Variants in VOPP1 observed in about 807,000 individuals in gnomAD.
VOPP1 encodes WW domain binding protein VOPP1.
Under a neutral mutation model 23.5 loss-of-function variants are expected in VOPP1, and 8 were observed. The observed-to-expected ratio is 0.34, with a 90% CI of 0.20 to 0.61. The LOEUF (loss-of-function observed/expected upper bound fraction) is 0.61, where lower values mean the gene tolerates loss of function less well. Ranked by LOEUF, VOPP1 falls within the 20% of genes least tolerant of loss-of-function variation. The pLI is 0.78. For missense variants in VOPP1, 174 were observed against 238.1 expected, an observed-to-expected ratio of 0.73 and a Z score of 1.77; for synonymous variants, 83 against 97.3, an observed-to-expected ratio of 0.85 and a Z score of 0.86.
rs1795707899 is a variant in VOPP1, at chr7:55,519,657, GTGGGGTC to G, written c.113+1408_113+1414del. On this transcript the variant is annotated intron_variant, in intron 2 of 4. Coordinates refer to ENST00000285279, the MANE Select transcript of VOPP1 (RefSeq NM_030796.5). ...CTTATGCTGCTGTTTTATTTTCCAAGTGGGGTCTGTCTTTCTGCAGCTGCAGAGGCTT... is the reference window on the plus strand; with the variant it reads ...CTTATGCTGCTGTTTTATTTTCCAAGTGTCTTTCTGCAGCTGCAGAGGCTT... Among the ~76,000 whole-genome samples, 7 of 152,200 alleles carry G rather than the reference GTGGGGTC, an allele frequency of 4.6e-5. No individual in the cohort carries two copies. The South Asian group carries it at 1.4e-3, about 32-fold the overall frequency.
intron 4 of VOPP1, among the ~76,000 whole-genome samples, chr7:55,445,216 GACACACACACACAGAC>G (rs1562878546): frequency 2.0e-5 from 2 of 102,486 alleles, no homozygotes; most frequent in East Asian, 2.2e-4. Flanking sequence ...CACACACACA[GACACACACACACAGAC>G]ACACACACAC....
chr7:55,503,595 G>A (rs1456286104), intron 2 of VOPP1, among the ~76,000 whole-genome samples: 1 of 152,246 alleles, frequency 6.6e-6, no homozygotes, highest in Non-Finnish European at 1.5e-5. Flanking sequence ...CTAGACCGGT[G>A]TGTTGAAAGG....
At chr7:55,522,884 C>T (rs1048978563) in intron 1 of VOPP1, among the ~76,000 whole-genome samples, 1 of 152,250 alleles carries the variant, frequency 6.6e-6, no homozygotes, top group Non-Finnish European at 1.5e-5. Context: ...CCACTTGATA[C>T]TCTGGCAGCA....
chr7:55,507,133 A>G (rs183402559), intron 2 of VOPP1, among the ~76,000 whole-genome samples: 1,665 of 152,312 alleles, frequency 0.011, 11 homozygotes, highest in Middle Eastern at 0.02. Flanking sequence ...GAGGTGGTTC[A>G]GGCAGAACTC....
At chr7:55,547,285 G>T (rs1243595046) in intron 1 of VOPP1, among the ~76,000 whole-genome samples, 1 of 152,156 alleles carries the variant, frequency 6.6e-6, no homozygotes, top group African/African-American at 2.4e-5. Context: ...CAGGACTGAG[G>T]CTACCTTCCC....
chr7:55,508,844 C>T (rs1219144160), intron 2 of VOPP1, among the ~76,000 whole-genome samples: 4 of 152,076 alleles, frequency 2.6e-5, no homozygotes, highest in Admixed American at 2.6e-4. Flanking sequence ...GCTCAGAAGT[C>T]TGCCTATGAG....
In VOPP1 at chr7:55,521,133, G is replaced by C; in HGVS notation, c.55-3C>G. The C allele has an allele frequency of 6.4e-7, 1 of 1,572,346 alleles. No individual in the cohort carries two copies. The highest frequency in any genetic ancestry group is 8.6e-7 in the Non-Finnish European group (1 of 1,157,760). On this transcript the variant is annotated splice_polypyrimidine_tract_variant and splice_region_variant and intron_variant, in intron 1 of 4. Coordinates refer to ENST00000285279, the MANE Select transcript of VOPP1 (RefSeq NM_030796.5). ...CAATGCTTTTTGGCTTCTGTGCACT[G>C]CAAATAGAAGCAAGAAAAAGTTTGT...
intron 2 of VOPP1, among the ~76,000 whole-genome samples, chr7:55,520,091 G>A (rs1022317582): frequency 1.3e-5 from 2 of 151,998 alleles, no homozygotes; most frequent in Non-Finnish European, 2.9e-5. Context: ...TTGCACCACT[G>A]CACTCCAGCC....
intron 1 of VOPP1, among the ~76,000 whole-genome samples, chr7:55,568,697 A>C (rs745988358): frequency 2.0e-5 from 3 of 152,228 alleles, no homozygotes; most frequent in Non-Finnish European, 2.9e-5. Flanking sequence ...ATATCTAGAA[A>C]ACAATGCACA....
chr7:55,435,632 C>T (rs118117093), downstream of VOPP1, among the ~76,000 whole-genome samples: 3,481 of 152,332 alleles, frequency 0.023, 55 homozygotes, highest in Non-Finnish European at 0.034. Flanking sequence ...TCCATTGTCT[C>T]CTGTCAGAGG....
intron 1 of VOPP1, among the ~76,000 whole-genome samples, chr7:55,547,421 A>G (rs542236014): frequency 6.6e-6 from 1 of 152,372 alleles, no homozygotes; most frequent in East Asian, 1.9e-4. Context: ...GCTAATTAAC[A>G]GTGACATGTA....
intron 1 of VOPP1, among the ~76,000 whole-genome samples, chr7:55,566,217 TG>T (rs373750079): frequency 2.7e-3 from 417 of 152,254 alleles, no homozygotes; most frequent in Middle Eastern, 0.017. Context: ...CAACTAATTC[TG>T]GGGAAAAAAC....
chr7:55,449,861 T>C (rs537691315), intron 4 of VOPP1, among the ~76,000 whole-genome samples: 6 of 152,258 alleles, frequency 3.9e-5, no homozygotes, highest in Non-Finnish European at 5.9e-5. Flanking sequence ...CTTCTGGGCA[T>C]CAGGGATGTC....
At chr7:55,539,114 C>T (rs1027125252) in intron 1 of VOPP1, among the ~76,000 whole-genome samples, 1 of 151,436 alleles carries the variant, frequency 6.6e-6, no homozygotes, top group African/African-American at 2.4e-5. Context: ...GAGGCCGAGG[C>T]AAGCGGATCA....
At chr7:55,555,150 A>G (rs1797758683) in intron 1 of VOPP1, among the ~76,000 whole-genome samples, 1 of 152,238 alleles carries the variant, frequency 6.6e-6, no homozygotes, top group South Asian at 2.1e-4. Context: ...TAAATTTCCA[A>G]TCTGCCTGTA....
intron 1 of VOPP1, among the ~76,000 whole-genome samples, chr7:55,528,242 T>G (rs886194896): frequency 6.6e-6 from 1 of 152,196 alleles, no homozygotes; most frequent in African/African-American, 2.4e-5. Flanking sequence ...GAATTGTATT[T>G]TTTGTTATAC....
chr7:55,436,997 G>GTATT (rs1391705498), intron 4 of VOPP1, among the ~76,000 whole-genome samples: 1 of 152,168 alleles, frequency 6.6e-6, no homozygotes, highest in African/African-American at 2.4e-5. Flanking sequence ...CACTCTTAAA[G>GTATT]TATTGCCCTA....
intron 1 of VOPP1, among the ~76,000 whole-genome samples, chr7:55,526,036 G>A (rs1796173285): frequency 6.6e-6 from 1 of 152,210 alleles, no homozygotes; most frequent in Non-Finnish European, 1.5e-5. Flanking sequence ...CCTGGGCTCT[G>A]GGAAAACAGC....
intron 4 of VOPP1, among the ~76,000 whole-genome samples, chr7:55,443,704 A>G (rs1791026093): frequency 6.9e-6 from 1 of 145,382 alleles, no homozygotes; most frequent in Non-Finnish European, 1.5e-5. Context: ...GAGTGCAATG[A>G]CACAATCTCG....
Sources: allele counts gnomAD v4.1 joint callset (sites outside exome capture counted in the v4.1 genomes callset), GRCh38; gene constraint gnomAD v4.1.1; transcripts MANE v1.5; gene names NCBI Gene and HGNC (gene_info 2026-07-23, HGNC 2026-07-21).